The following NADK variants were observed in gnomAD, a reference collection of about 807,000 sequenced individuals.
NADK encodes poly(P)/ATP NAD kinase.
In NADK, 22 loss-of-function variants were observed where a neutral mutation model predicts 49.8. The observed-to-expected ratio is 0.44, with a 90% CI of 0.32 to 0.63. The LOEUF is 0.63. NADK is among the 30% of genes least tolerant of loss of function. The pLI, the probability that NADK is intolerant of heterozygous loss-of-function variation, is 0.06. For missense variants in NADK, 438 were observed against 609.4 expected (o/e 0.72, Z 2.96); for synonymous variants, 268 against 253.7 (o/e 1.06, Z -0.54).
At chr1:1,778,860 G>A (rs1322838400), upstream of NADK, 1 of 152,184 alleles carries the variant, frequency 6.6e-6, no homozygotes, top group Admixed American at 6.5e-5. The surrounding 1 kb of genome is among the most constrained non-coding windows in gnomAD (Gnocchi z 4.9). Context: ...CCGCGGGCGG[G>A]ACCTCCCGGA....
Position 1,754,038 on chromosome 1 carries a change from C to T in NADK, c.1101+13G>A, listed in dbSNP as rs1267027784. 29 of 1,563,168 alleles carry T rather than the reference C, an allele frequency of 1.9e-5. No individual in the cohort carries two copies. Among genetic ancestry groups the T allele is most frequent in the South Asian group, 2.3e-5 (2 of 85,762 alleles). Reference sequence around the variant, plus strand: ...GACTCACAAACCGGAAAAGGAGTGTCGTTGGCTCTGACCTTCAGCTCGACC... The same window carrying T: ...GACTCACAAACCGGAAAAGGAGTGTTGTTGGCTCTGACCTTCAGCTCGACC... On this transcript the variant is annotated intron_variant, in intron 10 of 11. Coordinates refer to ENST00000341426, the MANE Select transcript of NADK (RefSeq NM_023018.5). The surrounding 1 kb of genome is among the most constrained non-coding windows in gnomAD (Gnocchi z 4.3).
intron 3 of NADK, chr1:1,759,277 C>T (rs1645637480): frequency 6.5e-7 from 1 of 1,531,042 alleles, no homozygotes; most frequent in Non-Finnish European, 8.8e-7. Flanking sequence ...TGCAGGCACG[C>T]ACGGCTGTGG....
intron 1 of NADK, among the ~76,000 whole-genome samples, chr1:1,774,708 T>C (rs1045703509): frequency 1.1e-4 from 17 of 152,322 alleles, no homozygotes; most frequent in Admixed American, 1.0e-3. Context: ...GAGTCAGGAC[T>C]GACACTTAAT....
At chr1:1,757,013 A>T in intron 4 of NADK, 168 bp downstream of exon 4, 1 of 1,123,120 alleles carries the variant, frequency 8.9e-7, no homozygotes. Flanking sequence ...ATGGCGGCAC[A>T]CACAAACCCA....
Position 1,776,601 on chromosome 1 carries a change from C to T in NADK, c.-41+1688G>A, listed in dbSNP as rs570992962. Among the ~76,000 whole-genome samples the T allele has an allele frequency of 9.9e-5, 15 of 151,986 alleles. 1 individual carries two copies. The highest frequency in any genetic ancestry group is 6.2e-4 in the South Asian group (3 of 4,814). The stretch of plus-strand genomic sequence containing the variant: ...CAAGCCTGGCCAACACAGTGAAACC[C>T]GTCTCTACTAAAAATACAAAAATTA... On this transcript the variant is annotated intron_variant, in intron 1 of 11. Transcript: ENST00000341426.
intron 1 of NADK, among the ~76,000 whole-genome samples, chr1:1,774,447 G>A (rs1646147749): frequency 1.3e-5 from 2 of 152,090 alleles, no homozygotes; most frequent in Non-Finnish European, 2.9e-5. Context: ...ACATGGAGGG[G>A]TTTCTCCATG....
chr1:1,778,442 C>T lies in NADK; in HGVS notation c.-194G>A, dbSNP rs561827345. 1.6e-3 allele frequency: 230 copies of T among 147,986 alleles called. No individual in the cohort carries two copies. The highest frequency in any genetic ancestry group is 5.4e-3 in the African/African-American group (222 of 41,096). The allele number at this position is 147,986 out of a possible 1,614,324, so 9.2% of individuals were successfully genotyped here. ...GCCCGGACCCCGGCGCCGGCGCCGC[C>T]GAGCAGCAATGCGCCGCGCCCGCCC... On this transcript the variant is annotated 5_prime_UTR_variant, in exon 1 of 12. Coordinates refer to ENST00000341426, the MANE Select transcript of NADK (RefSeq NM_023018.5). The surrounding 1 kb of genome is among the most constrained non-coding windows in gnomAD (Gnocchi z 4.9).
rs368225031 is a variant in NADK at position 1,755,628 on chromosome 1, G to A, written c.586-152C>T. 3.7e-4 allele frequency: 241 copies of A among 655,652 alleles called. 1 individual carries two copies. The African/African-American group carries it at 4.0e-3, about 11-fold the overall frequency. 40.6% of individuals were successfully genotyped at this position (655,652 alleles called of 1,614,324 possible). A position where few individuals can be genotyped will look rare whatever the true frequency, so the allele number is the denominator to read the frequency against. The stretch of plus-strand genomic sequence containing the variant: ...CTGGCCATGTGGACAAGCGGAGGGG[G>A]ACGTCGCAGGCCAGGGTGGGCCGGG... On this transcript the variant is annotated intron_variant, in intron 6 of 11. Transcript: ENST00000341426.
rs370298135 is a variant in NADK, at chr1:1,754,243, G to A, written c.944-35C>T. ...ACAGGCGCAGGCGTCACTCCCGCCC[G>A]AGGGACGCTCAGGGCCCCAGGACAG... On this transcript the variant is annotated intron_variant, in intron 9 of 11. Transcript: ENST00000341426. This position sits in a 1 kb window ranked among gnomAD's most constrained non-coding sequence, Gnocchi z 4.3. 2.3e-5 allele frequency: 37 copies of A among 1,613,130 alleles called. No homozygotes were observed. Among genetic ancestry groups the A allele is most frequent in the South Asian group, 7.7e-5 (7 of 91,064 alleles).
intron 11 of NADK, among the ~76,000 whole-genome samples, chr1:1,753,309 G>A (rs781092799): frequency 6.6e-6 from 1 of 152,186 alleles, no homozygotes; most frequent in East Asian, 1.9e-4. Flanking sequence ...GGTCCCAGGA[G>A]GTGGGTGGGG....
Position 1,756,488 on chromosome 1 carries a change from C to T in NADK, c.499+15G>A. The T allele has an allele frequency of 6.2e-7, 1 of 1,613,912 alleles. No individual in the cohort carries two copies. Among genetic ancestry groups the T allele is most frequent in the Non-Finnish European group, 8.5e-7 (1 of 1,179,960 alleles). ...TGTGCTGGAGAAACCAAGGACAGAG[C>T]TGCTGACAGCCCACCTTCTCGAAAG... On this transcript the variant is annotated intron_variant, in intron 5 of 11. Coordinates refer to ENST00000341426, the MANE Select transcript of NADK (RefSeq NM_023018.5).
chr1:1,776,814 C>T (rs908126286), intron 1 of NADK, among the ~76,000 whole-genome samples: 5 of 149,300 alleles, frequency 3.3e-5, no homozygotes, highest in African/African-American at 1.2e-4. Context: ...AAGTGGCTTA[C>T]GTCTGTAAGA....
At chr1:1,772,634 C>T (rs1261316605) in intron 1 of NADK, among the ~76,000 whole-genome samples, 1 of 151,836 alleles carries the variant, frequency 6.6e-6, no homozygotes, top group African/African-American at 2.4e-5. Context: ...CTGCATAGAG[C>T]CATACACACA....
At chr1:1,760,452 G>T (rs1056496405) in intron 3 of NADK, among the ~76,000 whole-genome samples, 1 of 152,198 alleles carries the variant, frequency 6.6e-6, no homozygotes, top group Non-Finnish European at 1.5e-5. Flanking sequence ...CCTGAACTTC[G>T]GTGACAGCCC....
intron 3 of NADK, among the ~76,000 whole-genome samples, chr1:1,759,467 A>G (rs1645644255): frequency 6.6e-6 from 1 of 152,180 alleles, no homozygotes; most frequent in Non-Finnish European, 1.5e-5. Context: ...ACACACGGGC[A>G]CTCACGCACC....
In NADK at chr1:1,754,690, C is replaced by T; in HGVS notation, c.697G>A (p.Ala233Thr). The part of the protein sequence containing the change: ...QVTQVIEGNA[A>T]VVLRSRLKVR... ...TTCAGCCGACTCCGGAGAACAACAG[C>T]TGCGTTCCCTGAGGTCCAGCAGGAG... The change falls in exon 8 of 12, where the codon GCT (alanine) becomes ACT (threonine). Residue 233 changes from alanine to threonine, a missense_variant. Coordinates refer to ENST00000341426, the MANE Select transcript of NADK (RefSeq NM_023018.5). The surrounding 1 kb of genome is among the most constrained non-coding windows in gnomAD (Gnocchi z 4.3). 1 of 1,611,998 alleles carries T rather than the reference C, an allele frequency of 6.2e-7. No individual in the cohort carries two copies.
In NADK at chr1:1,753,770, G is replaced by A. The variant is rs930833952; in HGVS notation, c.1102-121C>T. On this transcript the variant is annotated intron_variant, in intron 10 of 11. Transcript: ENST00000341426. Reference sequence around the variant, plus strand: ...GCAGCTCTGACCCTGCCTTGCGGACGGTGCAGTGCACGTCCTACAGGCACC... The same window carrying A: ...GCAGCTCTGACCCTGCCTTGCGGACAGTGCAGTGCACGTCCTACAGGCACC... The A allele has an allele frequency of 9.8e-5, 93 of 949,906 alleles. No homozygotes were observed. The African/African-American group carries it at 1.3e-3, about 14-fold the overall frequency. The allele number at this position is 949,906 out of a possible 1,614,324, so 58.8% of individuals were successfully genotyped here.
chr1:1,761,877 C>A, intron 3 of NADK, 75 bp downstream of exon 3: 1 of 1,388,396 alleles, frequency 7.2e-7, no homozygotes, highest in Non-Finnish European at 1.0e-6. Flanking sequence ...CATCCCATGG[C>A]CCCCGGCACT....
chr1:1,777,006 A>C (rs1184835479), intron 1 of NADK, among the ~76,000 whole-genome samples: 6 of 152,128 alleles, frequency 3.9e-5, no homozygotes, highest in Non-Finnish European at 8.8e-5. Context: ...TGAGCCCAGG[A>C]ATTTGAGGTT....
Sources: gnomAD v4.1 joint callset for allele counts (sites outside exome capture counted in the v4.1 genomes callset) on GRCh38, gnomAD v4.1.1 for gene constraint, Gnocchi (gnomAD v3.1) non-coding constraint, MANE v1.5 for transcripts, NCBI Gene and HGNC (gene_info 2026-07-23, HGNC 2026-07-21) for gene names.